Variants in EPHA6 observed in about 807,000 individuals in gnomAD.
The protein encoded by EPHA6 is ephrin type-A receptor 6.
In EPHA6, 50 loss-of-function variants were observed where a neutral mutation model predicts 112.0. The ratio of observed to expected loss-of-function variants is 0.45; its 90% CI spans 0.36 to 0.56. The LOEUF is 0.56. Among genes scored for constraint, EPHA6 ranks in the 20% least tolerant of loss-of-function variants. The pLI is 0.00. For missense variants in EPHA6, 1,280 were observed against 1,417.4 expected, an observed-to-expected ratio of 0.90 and a Z score of 1.56; for synonymous variants, 529 against 490.7, an observed-to-expected ratio of 1.08 and a Z score of -1.03.
chr3:97,539,107 T>TTCCTTCCTTC (rs1560113433), intron 11 of EPHA6, among the ~76,000 whole-genome samples: 1 of 127,632 alleles, frequency 7.8e-6, no homozygotes, highest in African/African-American at 3.5e-5. Context: ...TTCCTTCCTT[T>TTCCTTCCTTC]CTTTCTTTCT....
At chr3:97,109,182 T>C (rs1223670536) in intron 3 of EPHA6, among the ~76,000 whole-genome samples, 1 of 152,196 alleles carries the variant, frequency 6.6e-6, no homozygotes, top group Non-Finnish European at 1.5e-5. Context: ...TAAGCATTCA[T>C]CCACAGCTCA....
At chr3:97,182,610 C>G (rs1055200539) in intron 3 of EPHA6, among the ~76,000 whole-genome samples, 4 of 152,074 alleles carry the variant, frequency 2.6e-5, no homozygotes, top group Non-Finnish European at 5.9e-5. Context: ...GCATCCTACT[C>G]TTGTGGGAAA....
At chr3:96,915,512 A>C (rs536269090) in intron 2 of EPHA6, among the ~76,000 whole-genome samples, 1 of 152,210 alleles carries the variant, frequency 6.6e-6, no homozygotes, top group South Asian at 2.1e-4. Context: ...CTATATTTTC[A>C]AATTGAATTT....
At chr3:97,512,799 C>T (rs11916731) in intron 10 of EPHA6, among the ~76,000 whole-genome samples, 4 of 151,892 alleles carry the variant, frequency 2.6e-5, no homozygotes, top group Non-Finnish European at 5.9e-5. Flanking sequence ...TCCTGACTTC[C>T]GGTGATCTGC....
chr3:97,498,143 T>A (rs1025331484), intron 10 of EPHA6, among the ~76,000 whole-genome samples: 6 of 152,152 alleles, frequency 3.9e-5, no homozygotes, highest in African/African-American at 1.2e-4. Context: ...AAAATCACTA[T>A]GCTCTTGATG....
chr3:97,437,408 A>G (rs2089909565), intron 6 of EPHA6, among the ~76,000 whole-genome samples: 1 of 152,136 alleles, frequency 6.6e-6, no homozygotes, highest in African/African-American at 2.4e-5. Context: ...TAACTTTGAA[A>G]ATGTTCAGTT....
intron 3 of EPHA6, among the ~76,000 whole-genome samples, chr3:97,052,170 T>C (rs2045703313): frequency 6.6e-6 from 1 of 152,144 alleles, no homozygotes; most frequent in African/African-American, 2.4e-5. Context: ...ATTCTGGCTC[T>C]ACAGTGCACA....
chr3:97,610,522 A>AT (rs2107456924), intron 12 of EPHA6, among the ~76,000 whole-genome samples: 1 of 151,760 alleles, frequency 6.6e-6, no homozygotes, highest in African/African-American at 2.4e-5. Flanking sequence ...TAAACAAGTG[A>AT]TTGCAGGGCT....
At chr3:97,351,151 G>A (rs575145786) in intron 5 of EPHA6, among the ~76,000 whole-genome samples, 2 of 152,258 alleles carry the variant, frequency 1.3e-5, no homozygotes, top group South Asian at 2.1e-4. Flanking sequence ...TTGTGTTCAC[G>A]CCAAAGTGCA....
chr3:97,611,843 C>T (rs980721963), intron 13 of EPHA6, among the ~76,000 whole-genome samples: 11 of 151,478 alleles, frequency 7.3e-5, no homozygotes, highest in Non-Finnish European at 1.3e-4. Context: ...GTTCTGTTTG[C>T]ATCTCATCTT....
intron 3 of EPHA6, among the ~76,000 whole-genome samples, chr3:97,152,859 G>A (rs956723586): frequency 6.6e-6 from 1 of 152,014 alleles, no homozygotes; most frequent in African/African-American, 2.4e-5. Flanking sequence ...TCCCTGAGCA[G>A]CATTTTCGTT....
At chr3:97,324,083 T>A (rs2108792414) in intron 5 of EPHA6, among the ~76,000 whole-genome samples, 2 of 152,116 alleles carry the variant, frequency 1.3e-5, no homozygotes, top group Middle Eastern at 3.4e-3. Context: ...CAAAGCATAC[T>A]TAGAAACCTT....
chr3:97,168,567 TTCTC>T (rs1401207818), intron 3 of EPHA6, among the ~76,000 whole-genome samples: 2 of 148,856 alleles, frequency 1.3e-5, no homozygotes, highest in Non-Finnish European at 3.0e-5. Flanking sequence ...TTCTCTCTCT[TTCTC>T]TCTGTCTCTC....
At position 97,708,255 on chromosome 3, in the gene EPHA6, T is replaced by A. The variant is rs2033785948; in HGVS notation, c.2785-12006T>A. On this transcript the variant is annotated intron_variant, in intron 14 of 17. Coordinates refer to ENST00000389672, the MANE Select transcript of EPHA6 (RefSeq NM_001080448.3). ...GTGGTCTCAGATGGAGATGAGGAACTTATTGGGAACTGAAGTCACTTGCTA... is the reference window on the plus strand; with the variant it reads ...GTGGTCTCAGATGGAGATGAGGAACATATTGGGAACTGAAGTCACTTGCTA... Among the ~76,000 whole-genome samples the A allele has an allele frequency of 3.3e-5, 5 of 152,186 alleles. No individual in the cohort carries two copies. The South Asian group carries it at 1.0e-3, about 32-fold the overall frequency.
chr3:97,537,304 C>T (rs1246128085), intron 11 of EPHA6, among the ~76,000 whole-genome samples: 3 of 151,990 alleles, frequency 2.0e-5, no homozygotes, highest in African/African-American at 4.8e-5. Flanking sequence ...GGTTAAGAGT[C>T]TATTGGTTTT....
intron 3 of EPHA6, among the ~76,000 whole-genome samples, chr3:97,168,573 C>A (rs1576607357): frequency 6.9e-6 from 1 of 145,006 alleles, no homozygotes; most frequent in African/African-American, 2.6e-5. Context: ...CTCTTTCTCT[C>A]TGTCTCTCTC....
chr3:97,421,319 G>A (rs937889776), intron 6 of EPHA6, among the ~76,000 whole-genome samples: 5 of 152,040 alleles, frequency 3.3e-5, no homozygotes, highest in Admixed American at 2.6e-4. Context: ...TTATAGTAAG[G>A]TGTCTCGCTC....
At chr3:97,358,102 G>A (rs555007608) in intron 5 of EPHA6, among the ~76,000 whole-genome samples, 2 of 152,280 alleles carry the variant, frequency 1.3e-5, no homozygotes, top group South Asian at 4.1e-4. Flanking sequence ...AGGGTCAACT[G>A]TACCTCTGTC....
intron 2 of EPHA6, among the ~76,000 whole-genome samples, chr3:96,984,620 TC>T (rs559713445): frequency 3.5e-4 from 53 of 152,284 alleles, no homozygotes; most frequent in Admixed American, 2.1e-3. Flanking sequence ...GTTTCTGCTG[TC>T]TTTTGTTTGT....
Sources: gnomAD v4.1 joint callset for allele counts (sites outside exome capture counted in the v4.1 genomes callset) on GRCh38, gnomAD v4.1.1 for gene constraint, MANE v1.5 for transcripts, NCBI Gene and HGNC (gene_info 2026-07-23, HGNC 2026-07-21) for gene names.